LPAR3: variants seen among roughly 807,000 people sequenced by gnomAD.
LPAR3 encodes the protein LPA receptor 3.
LPAR3 carries 7 observed loss-of-function variants against 17.8 expected under a neutral mutation model. The ratio of observed to expected loss-of-function variants is 0.39; its 90% CI spans 0.22 to 0.74. The LOEUF (loss-of-function observed/expected upper bound fraction) is 0.74. Ranked by LOEUF, LPAR3 falls within the 30% of genes least tolerant of loss-of-function variation. The pLI is 0.40. For synonymous variants in LPAR3, 179 were observed against 179.9 expected, an observed-to-expected ratio of 0.99 and a Z score of 0.04; for missense variants, 391 against 453.4, an observed-to-expected ratio of 0.86 and a Z score of 1.25.
intron 2 of LPAR3, among the ~76,000 whole-genome samples, chr1:84,859,187 G>A (rs546852518): frequency 6.6e-6 from 1 of 152,186 alleles, no homozygotes. Context: ...GAAACATCAT[G>A]TGTGATTATT....
intron 1 of LPAR3, among the ~76,000 whole-genome samples, chr1:84,868,371 A>G (rs1660094940): frequency 6.6e-6 from 1 of 152,154 alleles, no homozygotes; most frequent in South Asian, 2.1e-4. Flanking sequence ...TGGCCTCCCA[A>G]AGTGCTGAGA....
At chr1:84,873,612 G>A (rs771993933) in intron 1 of LPAR3, among the ~76,000 whole-genome samples, 2 of 152,204 alleles carry the variant, frequency 1.3e-5, no homozygotes, top group Non-Finnish European at 2.9e-5. Context: ...AGGGGTGCTT[G>A]TTAAGGGTAG....
intron 1 of LPAR3, among the ~76,000 whole-genome samples, chr1:84,875,685 T>G (rs893227697): frequency 6.6e-6 from 1 of 152,234 alleles, no homozygotes; most frequent in African/African-American, 2.4e-5. Context: ...GAAAATGAAC[T>G]AAGGCAAATT....
chr1:84,892,262 A>T (rs11161479), intron 1 of LPAR3, among the ~76,000 whole-genome samples: 18,734 of 110,212 alleles, frequency 0.17, 1,343 homozygotes, highest in African/African-American at 0.24. Flanking sequence ...AATAAATAAA[A>T]ACTAACCTAC....
intron 1 of LPAR3, among the ~76,000 whole-genome samples, chr1:84,872,666 C>A (rs1476338053): frequency 6.6e-6 from 1 of 151,892 alleles, no homozygotes; most frequent in African/African-American, 2.4e-5. Context: ...AGAAGAATAC[C>A]AAATAAATAA....
Position 84,865,485 on chromosome 1 carries a change from G to A in LPAR3, c.636C>T (p.Tyr212=), listed in dbSNP as rs145732917. ...MVVVYLRIYV[Y]VKRKTNVLSP... ...ACAAGACGTTGGTTTTCCTCTTGAC[G>A]TACACGTAGATCCGCAGGTACACCA... Residue 212 remains tyrosine (Y), a synonymous_variant, in exon 2 of 3, where the codon TAC becomes TAT. Transcript: ENST00000370611. 23 of 1,614,010 alleles carry A rather than the reference G, an allele frequency of 1.4e-5. 1 individual carries two copies. In the African/African-American group the frequency reaches 1.5e-4, roughly 10 times the overall value.
At chr1:84,892,314 C>T (rs545258866) in intron 1 of LPAR3, among the ~76,000 whole-genome samples, 1 of 152,248 alleles carries the variant, frequency 6.6e-6, no homozygotes, top group East Asian at 1.9e-4. Context: ...CTTAATAAGA[C>T]TAAATTGTTT....
At chr1:84,827,325 A>C (rs762620385) in intron 2 of LPAR3, among the ~76,000 whole-genome samples, 1 of 152,160 alleles carries the variant, frequency 6.6e-6, no homozygotes, top group African/African-American at 2.4e-5. Flanking sequence ...TCCCCATTGG[A>C]AAACAGGGGC....
At chr1:84,850,346 C>G (rs865935445) in intron 2 of LPAR3, among the ~76,000 whole-genome samples, 9 of 129,840 alleles carry the variant, frequency 6.9e-5, no homozygotes, top group Non-Finnish European at 1.1e-4. Context: ...CGCTTGAGAC[C>G]AGGAGACTGA....
chr1:84,813,788 C>T lies in LPAR3; in HGVS notation c.*58G>A. 4 of 1,337,290 alleles carry T rather than the reference C, an allele frequency of 3.0e-6. No homozygotes were observed. The highest frequency in any genetic ancestry group is 4.2e-6 in the Non-Finnish European group (4 of 951,120). 82.8% of individuals were successfully genotyped at this position (1,337,290 alleles called of 1,614,324 possible). On this transcript the variant is annotated 3_prime_UTR_variant, in exon 3 of 3. Coordinates refer to ENST00000370611, the MANE Select transcript of LPAR3 (RefSeq NM_012152.3). ...ATGGGCTTTGTTAGAGACAGGTAAT[C>T]ATTCTTAACAGCTCTTTTCCCAGAG...
intron 2 of LPAR3, among the ~76,000 whole-genome samples, chr1:84,864,673 C>T (rs1439443864): frequency 6.6e-6 from 1 of 152,058 alleles, no homozygotes; most frequent in Non-Finnish European, 1.5e-5. Flanking sequence ...ATCCCAGCAA[C>T]TTGGGACGCT....
At chr1:84,875,863 C>T (rs2102769837) in intron 1 of LPAR3, among the ~76,000 whole-genome samples, 1 of 152,274 alleles carries the variant, frequency 6.6e-6, no homozygotes, top group East Asian at 1.9e-4. Context: ...TCAGGAGTCT[C>T]TTGCTCCATA....
chr1:84,861,608 G>T (rs1452871375), intron 2 of LPAR3, among the ~76,000 whole-genome samples: 1 of 152,174 alleles, frequency 6.6e-6, no homozygotes, highest in East Asian at 1.9e-4. Flanking sequence ...AAAGAATTGG[G>T]GGTAAAACCC....
At chr1:84,867,383 G>A (rs921465225) in intron 1 of LPAR3, among the ~76,000 whole-genome samples, 8 of 152,118 alleles carry the variant, frequency 5.3e-5, no homozygotes, top group South Asian at 2.1e-4. Context: ...AGATTCAGTC[G>A]GCAGAGGGAC....
At chr1:84,843,730 A>G (rs1659549405) in intron 2 of LPAR3, among the ~76,000 whole-genome samples, 1 of 152,268 alleles carries the variant, frequency 6.6e-6, no homozygotes, top group African/African-American at 2.4e-5. Context: ...CATTCTATAA[A>G]GAAAGTAAGT....
In LPAR3 at chr1:84,840,405, C is replaced by G. The variant is rs564267258; in HGVS notation, c.736+24980G>C. 9.2e-5 allele frequency among the ~76,000 whole-genome samples: 14 copies of G among 152,272 alleles called. No homozygotes were observed. The East Asian group carries it at 1.7e-3, about 19-fold the overall frequency. On this transcript the variant is annotated intron_variant, in intron 2 of 2. Coordinates refer to ENST00000370611, the MANE Select transcript of LPAR3 (RefSeq NM_012152.3). ...CACCCCAAAATTTGTTACAAAGCATCAAATATCTAGCTTAAGGATTCCTTT... is the reference window on the plus strand; with the variant it reads ...CACCCCAAAATTTGTTACAAAGCATGAAATATCTAGCTTAAGGATTCCTTT...
Position 84,814,149 on chromosome 1 carries a change from G to A in LPAR3, c.759C>T (p.Thr253=), listed in dbSNP as rs761377127. The A allele has an allele frequency of 4.0e-5, 64 of 1,613,828 alleles. 1 individual carries two copies. The South Asian group carries it at 6.7e-4, about 17-fold the overall frequency. The part of the protein sequence containing the change: ...TVLGAFVVCW[T]PGLVVLLLDG... ...CGAGGAGCAGAACCACCAGGCCCGG[G>A]GTCCAGCATACCACAAACGCCCCTG... The change falls in exon 3 of 3, where the codon ACC becomes ACT. Residue 253 remains threonine (T), a synonymous_variant. Coordinates refer to ENST00000370611, the MANE Select transcript of LPAR3 (RefSeq NM_012152.3).
At chr1:84,850,022 G>A (rs979661637) in intron 2 of LPAR3, among the ~76,000 whole-genome samples, 3 of 152,192 alleles carry the variant, frequency 2.0e-5, no homozygotes, top group African/African-American at 4.8e-5. Flanking sequence ...CTGCTGTCAC[G>A]TTCTTGAAAT....
intron 2 of LPAR3, among the ~76,000 whole-genome samples, chr1:84,849,820 TAACCCTCTA>T (rs1659668516): frequency 6.6e-6 from 1 of 152,194 alleles, no homozygotes; most frequent in Admixed American, 6.5e-5. Context: ...GGTACACAGC[TAACCCTCTA>T]ACCCTCATGA....
Sources: gnomAD v4.1 joint callset for allele counts (sites outside exome capture counted in the v4.1 genomes callset) on GRCh38, gnomAD v4.1.1 for gene constraint, MANE v1.5 for transcripts, NCBI Gene and HGNC (gene_info 2026-07-23, HGNC 2026-07-21) for gene names.